SPMIP6: variants seen among roughly 807,000 people sequenced by gnomAD.
The protein encoded by SPMIP6 is ciliated bronchial epithelial protein 1.
the SPMIP6 span, chr9:34,382,765 GAGGA>G: frequency 6.2e-7 from 1 of 1,613,498 alleles, no homozygotes; most frequent in South Asian, 1.1e-5. Context: ...TTAGGCAGCC[GAGGA>G]AGGTAGGTGG....
At chr9:34,380,922 A>C in the SPMIP6 span, 2 of 1,595,152 alleles carry the variant, frequency 1.3e-6, no homozygotes, top group Non-Finnish European at 1.7e-6. Context: ...TCCCGGCACC[A>C]AGGCCGCAGG....
At chr9:34,383,391 G>C in the SPMIP6 span, among the ~76,000 whole-genome samples, 3 of 152,188 alleles carry the variant, frequency 2.0e-5, no homozygotes, top group Middle Eastern at 3.2e-3. Context: ...GGCATGGTTG[G>C]TGTGCGCCTG....
At chr9:34,380,586 G>C in the SPMIP6 span, 2 of 1,423,080 alleles carry the variant, frequency 1.4e-6, no homozygotes, top group South Asian at 2.9e-5. Flanking sequence ...GATGTGCGGG[G>C]TTTCTTCCTC....
chr9:34,379,710 G>A, the SPMIP6 span: 1 of 1,614,062 alleles, frequency 6.2e-7, no homozygotes, highest in South Asian at 1.1e-5. The surrounding 1 kb of genome is among the most constrained non-coding windows in gnomAD (Gnocchi z 4.2). Context: ...ATTCCGGGCC[G>A]GTGCTCGTAG....
the SPMIP6 span, among the ~76,000 whole-genome samples, chr9:34,396,584 A>C: frequency 6.6e-6 from 1 of 151,156 alleles, no homozygotes; most frequent in Admixed American, 6.6e-5. Flanking sequence ...TGGTCTGCAG[A>C]CTCCTCTCTC....
At chr9:34,382,522 T>G in the SPMIP6 span, 1 of 522,260 alleles carries the variant, frequency 1.9e-6, no homozygotes, top group Non-Finnish European at 3.5e-6. Flanking sequence ...GAGGCAGAGG[T>G]TGCAGTGAGC....
the SPMIP6 span, chr9:34,379,595 A>C: frequency 6.5e-7 from 1 of 1,532,148 alleles, no homozygotes; most frequent in East Asian, 2.2e-5. This position sits in a 1 kb window ranked among gnomAD's most constrained non-coding sequence, Gnocchi z 4.2. Flanking sequence ...GCCCCGCCTC[A>C]CCAAGCCTTC....
chr9:34,384,965 G>T, the SPMIP6 span, among the ~76,000 whole-genome samples: 6 of 152,026 alleles, frequency 3.9e-5, no homozygotes, highest in African/African-American at 1.4e-4. Context: ...CAGGAGAGGT[G>T]GAGGGAGCTG....
At chr9:34,392,139 C>T in the SPMIP6 span, among the ~76,000 whole-genome samples, 1 of 152,010 alleles carries the variant, frequency 6.6e-6, no homozygotes, top group African/African-American at 2.4e-5. This position sits in a 1 kb window ranked among gnomAD's most constrained non-coding sequence, Gnocchi z 4.6. Flanking sequence ...GTGGTGTGAT[C>T]GTGGCTCATT....
At chr9:34,379,297 T>C in the SPMIP6 span, 34 of 699,258 alleles carry the variant, frequency 4.9e-5, no homozygotes, top group Non-Finnish European at 8.3e-5. The surrounding 1 kb of genome is among the most constrained non-coding windows in gnomAD (Gnocchi z 4.2). Flanking sequence ...TGACCTTGGG[T>C]TCCAATACTG....
At chr9:34,380,781 G>A in the SPMIP6 span, 4 of 1,546,100 alleles carry the variant, frequency 2.6e-6, no homozygotes, top group South Asian at 1.2e-5. Flanking sequence ...GTGCAGCGCG[G>A]GGCTAGAGCA....
the SPMIP6 span, among the ~76,000 whole-genome samples, chr9:34,391,383 C>A: frequency 3.3e-5 from 5 of 152,100 alleles, no homozygotes; most frequent in Admixed American, 2.6e-4. Context: ...TGAATCTTTG[C>A]TTTCTAGTTT....
the SPMIP6 span, among the ~76,000 whole-genome samples, chr9:34,393,787 C>T: frequency 2.0e-5 from 3 of 152,100 alleles, no homozygotes; most frequent in East Asian, 3.9e-4. Context: ...CTCTGTGCTG[C>T]GTTCTGGGAA....
At chr9:34,381,067 C>T in the SPMIP6 span, 1 of 1,611,556 alleles carries the variant, frequency 6.2e-7, no homozygotes, top group Non-Finnish European at 8.5e-7. The surrounding 1 kb of genome is among the most constrained non-coding windows in gnomAD (Gnocchi z 4.4). Flanking sequence ...CGCATCGGGG[C>T]GTGATCCGCG....
At chr9:34,396,044 AAT>A in the SPMIP6 span, among the ~76,000 whole-genome samples, 1 of 152,224 alleles carries the variant, frequency 6.6e-6, no homozygotes, top group Non-Finnish European at 1.5e-5. Flanking sequence ...AATAATTGGA[AAT>A]GTGTACAAAG....
chr9:34,380,810 A>G, the SPMIP6 span: 1 of 1,529,058 alleles, frequency 6.5e-7, no homozygotes. Context: ...GCCTGCACGG[A>G]AGCTGGCCGG....
chr9:34,393,498 G>T, the SPMIP6 span, among the ~76,000 whole-genome samples: 143 of 152,180 alleles, frequency 9.4e-4, no homozygotes, highest in African/African-American at 3.2e-3. Flanking sequence ...GACACTTCGA[G>T]AATTTTTTTT....
At chr9:34,382,968 G>C in the SPMIP6 span, 2 of 870,566 alleles carry the variant, frequency 2.3e-6, no homozygotes, top group African/African-American at 1.6e-5. Context: ...CCAGCACAAA[G>C]CTGACCCTCA....
the SPMIP6 span, among the ~76,000 whole-genome samples, chr9:34,383,277 A>G: frequency 2.0e-5 from 3 of 152,276 alleles, no homozygotes; most frequent in South Asian, 2.1e-4. Context: ...TAATCCTAGC[A>G]CTTTGGGAGG....
Sources: gnomAD v4.1 joint callset for allele counts (sites outside exome capture counted in the v4.1 genomes callset) on GRCh38, gnomAD v4.1.1 for gene constraint, Gnocchi (gnomAD v3.1) non-coding constraint, MANE v1.5 for transcripts, NCBI Gene and HGNC (gene_info 2026-07-23, HGNC 2026-07-21) for gene names.